Variants in VWA2 observed in about 807,000 individuals in gnomAD.
VWA2 encodes von Willebrand factor A domain containing 2.
A neutral mutation model predicts 70.4 loss-of-function variants in VWA2; 73 were observed. The observed-to-expected ratio is 1.04, with a 90% confidence interval of 0.86 to 1.26. The LOEUF is 1.26. VWA2 is among the 50% of genes most tolerant of loss of function. VWA2 has a pLI of 0.00. For synonymous variants in VWA2, 407 were observed against 423.3 expected, an observed-to-expected ratio of 0.96 and a Z score of 0.47; for missense variants, 1,011 against 998.5, an observed-to-expected ratio of 1.01 and a Z score of -0.17.
chr10:114,290,460 A>G (rs899421811), intron 13 of VWA2, 95 bp downstream of exon 13: 11 of 1,492,332 alleles, frequency 7.4e-6, no homozygotes, highest in East Asian at 2.5e-5. Flanking sequence ...GTTCTAAAAC[A>G]TTCGTTCAGT....
At chr10:114,290,891 CAG>C (rs1286421521) in intron 13 of VWA2, among the ~76,000 whole-genome samples, 2 of 152,130 alleles carry the variant, frequency 1.3e-5, no homozygotes, top group African/African-American at 4.8e-5. Context: ...TCAAGGGTAA[CAG>C]ATTAGGACCT....
At chr10:114,286,943 T>TACAC (rs745328643) in intron 11 of VWA2, among the ~76,000 whole-genome samples, 1 of 152,174 alleles carries the variant, frequency 6.6e-6, no homozygotes, top group African/African-American at 2.4e-5. Flanking sequence ...TATGCACACA[T>TACAC]ACACACACGG....
At position 114,291,216 on chromosome 10, in the gene VWA2, A is replaced by G. The variant is rs1342844467; in HGVS notation, c.2249-2A>G. The G allele has an allele frequency of 2.6e-6, 4 of 1,550,442 alleles. No individual in the cohort carries two copies. Among genetic ancestry groups the G allele is most frequent in the Non-Finnish European group, 3.5e-6 (4 of 1,146,968 alleles). ...GTCCTCAGACTTCACTTCCTTCCCC[A>G]GGATTCTTGAGACGCCCCTGAGGCA... On this transcript the variant is annotated splice_acceptor_variant, in intron 13 of 13. Coordinates refer to ENST00000392982, the MANE Select transcript of VWA2 (RefSeq NM_001272046.2). LOFTEE classifies it high-confidence loss of function.
At chr10:114,286,583 A>AC in intron 11 of VWA2, 72 bp downstream of exon 11, 1 of 1,352,022 alleles carries the variant, frequency 7.4e-7, no homozygotes, top group Non-Finnish European at 9.9e-7. Flanking sequence ...CCACCACCTA[A>AC]CCATCATTTT....
intron 6 of VWA2, among the ~76,000 whole-genome samples, chr10:114,273,706 C>T (rs2037760827): frequency 6.6e-6 from 1 of 152,196 alleles, no homozygotes; most frequent in African/African-American, 2.4e-5. Flanking sequence ...AATTTTAGTA[C>T]ATTATTTAAT....
chr10:114,277,350 A>T (rs2037870096), intron 6 of VWA2, among the ~76,000 whole-genome samples: 1 of 151,094 alleles, frequency 6.6e-6, no homozygotes, highest in Non-Finnish European at 1.5e-5. Context: ...CACCCAGCTA[A>T]TTTTTGTATT....
rs1284218796 is a variant in VWA2 at position 114,292,507 on chromosome 10, A to G, written c.*1270A>G. ...AGTTTTTAAAGAAATATTTCAAGAA[A>G]TGTTGGTTATTTATTAAACAGGGAT... On this transcript the variant is annotated 3_prime_UTR_variant, in exon 14 of 14. Transcript: ENST00000392982. Among the ~76,000 whole-genome samples the G allele has an allele frequency of 6.6e-6, 1 of 151,056 alleles. No individual in the cohort carries two copies. Among genetic ancestry groups the G allele is most frequent in the African/African-American group, 2.4e-5 (1 of 41,026 alleles).
At chr10:114,290,160 A>C in intron 12 of VWA2, 80 bp from the exon 13 acceptor site, 1 of 1,522,612 alleles carries the variant, frequency 6.6e-7, no homozygotes, top group Admixed American at 2.0e-5. Flanking sequence ...TTGCACCTCT[A>C]CTGGGCTTAC....
At chr10:114,244,725 A>C (rs1182818411) in intron 1 of VWA2, among the ~76,000 whole-genome samples, 1 of 152,258 alleles carries the variant, frequency 6.6e-6, no homozygotes, top group Admixed American at 6.5e-5. Context: ...TGAGCTGCCT[A>C]TTCGAGATGA....
At chr10:114,266,036 G>A (rs1041667352) in intron 5 of VWA2, among the ~76,000 whole-genome samples, 2 of 152,202 alleles carry the variant, frequency 1.3e-5, no homozygotes, top group African/African-American at 4.8e-5. Context: ...GGTGGCTCAC[G>A]TCTGTAATCC....
chr10:114,240,433 C>T (rs1205528359), intron 1 of VWA2, among the ~76,000 whole-genome samples: 2 of 152,196 alleles, frequency 1.3e-5, no homozygotes, highest in Non-Finnish European at 2.9e-5. Context: ...TCAAGGGCTC[C>T]AGCTGAAGCT....
At chr10:114,259,084 ATTATTT>A (rs1021334835) in intron 4 of VWA2, among the ~76,000 whole-genome samples, 1 of 152,170 alleles carries the variant, frequency 6.6e-6, no homozygotes, top group African/African-American at 2.4e-5. Context: ...TTTAAATTTT[ATTATTT>A]TTAATTTTCA....
intron 1 of VWA2, among the ~76,000 whole-genome samples, chr10:114,239,985 C>A (rs1258748632): frequency 6.6e-6 from 1 of 152,158 alleles, no homozygotes; most frequent in Non-Finnish European, 1.5e-5. Context: ...GAAAGGGACT[C>A]GCCCTTTGAA....
intron 5 of VWA2, among the ~76,000 whole-genome samples, chr10:114,261,621 C>A (rs889846462): frequency 6.6e-6 from 1 of 152,154 alleles, no homozygotes; most frequent in African/African-American, 2.4e-5. Context: ...GAGTCTTAAT[C>A]CCATTTCTGT....
intron 3 of VWA2, among the ~76,000 whole-genome samples, chr10:114,254,498 A>G (rs528219029): frequency 1.3e-4 from 20 of 152,082 alleles, no homozygotes; most frequent in African/African-American, 4.8e-4. Context: ...TTCCACCCTC[A>G]TCAGTATCCC....
rs771125457 is a variant in VWA2, at chr10:114,282,575, T to C, written c.889+4T>C. On this transcript the variant is annotated splice_donor_region_variant and intron_variant, in intron 9 of 13. Transcript: ENST00000392982. ...TGCTACAGGACCACCTGCCCAGGTA[T>C]GGTCTGTCTCTTGGATTTACAGGTT... is the stretch of plus-strand genomic sequence containing the variant. 8 of 1,613,614 alleles carry C rather than the reference T, an allele frequency of 5.0e-6. No individual in the cohort carries two copies. The highest frequency in any genetic ancestry group is 1.6e-4 in the Middle Eastern group (1 of 6,084).
chr10:114,290,148 C>T (rs900933063), intron 12 of VWA2, 92 bp from the exon 13 acceptor site: 2 of 1,491,074 alleles, frequency 1.3e-6, no homozygotes, highest in Non-Finnish European at 1.8e-6. Flanking sequence ...ACTCTAGTAG[C>T]CTTGCACCTC....
At chr10:114,256,576 C>T (rs1239385030) in intron 4 of VWA2, among the ~76,000 whole-genome samples, 1 of 152,126 alleles carries the variant, frequency 6.6e-6, no homozygotes, top group African/African-American at 2.4e-5. Context: ...TAAATATTTT[C>T]TGGATTTTGA....
intron 13 of VWA2, among the ~76,000 whole-genome samples, 179 bp from the exon 14 acceptor site, chr10:114,291,039 C>G (rs1033241578): frequency 6.6e-6 from 1 of 152,040 alleles, no homozygotes; most frequent in South Asian, 2.1e-4. Flanking sequence ...GGTTGGCTTC[C>G]TAAGGCCAGA....
Sources: allele counts gnomAD v4.1 joint callset (sites outside exome capture counted in the v4.1 genomes callset), GRCh38; gene constraint gnomAD v4.1.1; transcripts MANE v1.5; gene names NCBI Gene and HGNC (gene_info 2026-07-23, HGNC 2026-07-21).